Variants in ANGPTL4 observed in about 807,000 individuals in gnomAD.
ANGPTL4 encodes angiopoietin-related protein 4.
Under a neutral mutation model 39.2 loss-of-function variants are expected in ANGPTL4, and 39 were observed. The observed-to-expected ratio is 1.00, with a 90% CI of 0.77 to 1.30. The LOEUF is 1.30. Among genes scored for constraint, ANGPTL4 ranks in the 50% most tolerant of loss-of-function variants. The pLI, the probability that ANGPTL4 is intolerant of heterozygous loss-of-function variation, is 0.00. For missense variants in ANGPTL4, 545 were observed against 549.8 expected, an observed-to-expected ratio of 0.99 and a Z score of 0.09; for synonymous variants, 233 against 229.5, an observed-to-expected ratio of 1.02 and a Z score of -0.14.
intron 3 of ANGPTL4, 24 bp from the exon 4 acceptor site, chr19:8,369,195 A>G: frequency 6.3e-7 from 1 of 1,596,054 alleles, no homozygotes; most frequent in African/African-American, 1.3e-5. Context: ...TCCTGTTTCA[A>G]GTCTCCACTT....
intron 1 of ANGPTL4, among the ~76,000 whole-genome samples, chr19:8,365,135 C>T (rs998851374): frequency 1.3e-5 from 2 of 151,034 alleles, no homozygotes; most frequent in African/African-American, 4.9e-5. Context: ...CAGCACTGCA[C>T]TCCAGCCTGG....
At chr19:8,368,324 T>C (rs925676715) in intron 3 of ANGPTL4, among the ~76,000 whole-genome samples, 2 of 152,188 alleles carry the variant, frequency 1.3e-5, no homozygotes, top group Admixed American at 6.5e-5. Flanking sequence ...CAAGTCTTTA[T>C]TGAGCAGCTG....
Position 8,370,911 on chromosome 19 carries a change from C to T in ANGPTL4, c.662-145C>T, listed in dbSNP as rs563715530. 1.2e-5 allele frequency: 11 copies of T among 888,666 alleles called. No homozygotes were observed. The South Asian group carries it at 1.4e-4, about 12-fold the overall frequency. The allele number at this position is 888,666 out of a possible 1,614,324, so 55.0% of individuals were successfully genotyped here. On this transcript the variant is annotated intron_variant, in intron 4 of 6. Coordinates refer to ENST00000301455, the MANE Select transcript of ANGPTL4 (RefSeq NM_139314.3). ...AGCCCATAATATTCCTCCCTCTGAC[C>T]CACCCTCCTCGAGTCCTCCAGGGAT...
chr19:8,371,778 CG>C lies in ANGPTL4; in HGVS notation c.1039+258del. Among the ~76,000 whole-genome samples, 1 of 152,236 alleles carries C rather than the reference CG, an allele frequency of 6.6e-6. No homozygotes were observed. The highest frequency in any genetic ancestry group is 2.1e-4 in the South Asian group (1 of 4,824). On this transcript the variant is annotated intron_variant, in intron 6 of 6. Coordinates refer to ENST00000301455, the MANE Select transcript of ANGPTL4 (RefSeq NM_139314.3). The surrounding 1 kb of genome is among the most constrained non-coding windows in gnomAD (Gnocchi z 5.1). Reference sequence around the variant, plus strand: ...TTATTTATGTATTTATTTTTTGAGACGGAGTCTCACTTTGTCACCCAGGCTG... The same window carrying C: ...TTATTTATGTATTTATTTTTTGAGACGAGTCTCACTTTGTCACCCAGGCTG...
rs150000287 is a variant in ANGPTL4, at chr19:8,371,354, G to T, written c.871G>T (p.Val291Leu). 4 of 1,613,538 alleles carry T rather than the reference G, an allele frequency of 2.5e-6. No homozygotes were observed. The Admixed American group carries it at 5.0e-5, about 20-fold the overall frequency. The change falls in exon 6 of 7, where the codon GTG becomes TTG. Residue 291 changes from valine (V) to leucine (L), a missense_variant. Val to Leu is a conservative substitution (Grantham distance 32). Transcript: ENST00000301455. The surrounding 1 kb of genome is among the most constrained non-coding windows in gnomAD (Gnocchi z 5.1). ...DGNAELLQFS[V>L]HLGGEDTAYS... ...CAACGCCGAGTTGCTGCAGTTCTCC[G>T]TGCACCTGGGTGGCGAGGACACGGC...
At chr19:8,372,687 G>C (rs192797137) in intron 6 of ANGPTL4, among the ~76,000 whole-genome samples, 9 of 152,124 alleles carry the variant, frequency 5.9e-5, no homozygotes, top group Admixed American at 4.6e-4. Flanking sequence ...CCATCTACTT[G>C]GGAGGCTGAG....
intron 6 of ANGPTL4, among the ~76,000 whole-genome samples, chr19:8,373,339 A>G (rs556732933): frequency 6.6e-6 from 1 of 151,442 alleles, no homozygotes; most frequent in African/African-American, 2.4e-5. Context: ...TGGGAGGCAG[A>G]GGTGCAGTGA....
In ANGPTL4 at chr19:8,369,169, C is replaced by T. The variant is rs377342328; in HGVS notation, c.548-50C>T. On this transcript the variant is annotated intron_variant, in intron 3 of 6. Coordinates refer to ENST00000301455, the MANE Select transcript of ANGPTL4 (RefSeq NM_139314.3). ...CAGATATGCCTGGCTCCTGAGACCC[C>T]CCCCAGGGGCTGCCCTCCTGTTTCA... 8.0e-6 allele frequency: 12 copies of T among 1,507,346 alleles called. No individual in the cohort carries two copies. In the East Asian group the frequency reaches 2.5e-4, roughly 32 times the overall value. 93.4% of individuals were successfully genotyped at this position (1,507,346 alleles called of 1,614,324 possible). A position where few individuals can be genotyped will look rare whatever the true frequency, so the allele number is the denominator to read the frequency against.
At chr19:8,365,499 A>G (rs1440351881) in intron 1 of ANGPTL4, among the ~76,000 whole-genome samples, 3 of 151,506 alleles carry the variant, frequency 2.0e-5, no homozygotes, top group Non-Finnish European at 4.4e-5. Context: ...AATAATAAAT[A>G]AAATAAAATA....
intron 3 of ANGPTL4, among the ~76,000 whole-genome samples, chr19:8,367,775 C>A (rs1191086820): frequency 6.6e-6 from 1 of 152,218 alleles, no homozygotes; most frequent in Non-Finnish European, 1.5e-5. Flanking sequence ...CAGCACAGTT[C>A]TTCCCGTTCT....
chr19:8,373,251 A>G (rs1971159477), intron 6 of ANGPTL4, among the ~76,000 whole-genome samples: 1 of 152,136 alleles, frequency 6.6e-6, no homozygotes, highest in African/African-American at 2.4e-5. Context: ...CTAAAAATAC[A>G]AAAACTAGCC....
Position 8,364,205 on chromosome 19 carries a change from G to T in ANGPTL4, c.-117G>T, listed in dbSNP as rs370009734. 3.9e-5 allele frequency: 42 copies of T among 1,066,136 alleles called. 3 individuals are homozygous for T. Among genetic ancestry groups the T allele is most frequent in the African/African-American group, 7.9e-5 (5 of 63,286 alleles). The allele number at this position is 1,066,136 out of a possible 1,614,324, so 66.0% of individuals were successfully genotyped here. On this transcript the variant is annotated 5_prime_UTR_variant, in exon 1 of 7. Coordinates refer to ENST00000301455, the MANE Select transcript of ANGPTL4 (RefSeq NM_139314.3). ...CACGACTGTGATCCGATTCTTTCCAGCGGCTTCTGCAACCAAGCGGGTCTT... is the reference window on the plus strand; with the variant it reads ...CACGACTGTGATCCGATTCTTTCCATCGGCTTCTGCAACCAAGCGGGTCTT...
chr19:8,371,628 C>A lies in ANGPTL4; in HGVS notation c.1039+106C>A. On this transcript the variant is annotated intron_variant, in intron 6 of 6. Transcript: ENST00000301455. This position sits in a 1 kb window ranked among gnomAD's most constrained non-coding sequence, Gnocchi z 5.1. ...ACATTGCATCTGTTTCCTGCCCCCA[C>A]CTCTTCCTTACATGCCGTGTGTGTG... is the stretch of plus-strand genomic sequence containing the variant. The A allele has an allele frequency of 1.3e-6, 2 of 1,490,818 alleles. No homozygotes were observed. The highest frequency in any genetic ancestry group is 1.2e-5 in the South Asian group (1 of 82,942). 92.3% of individuals were successfully genotyped at this position (1,490,818 alleles called of 1,614,324 possible).
In ANGPTL4 at chr19:8,364,394, G is replaced by A. The variant is rs1429567126; in HGVS notation, c.73G>A (p.Gly25Ser). The A allele has an allele frequency of 1.3e-6, 2 of 1,546,462 alleles. No individual in the cohort carries two copies. The highest frequency in any genetic ancestry group is 1.2e-5 in the South Asian group (1 of 84,382). Reference protein sequence around the residue: ...AATAVLLSAQGGPVQSKSPRF... With the variant: ...AATAVLLSAQSGPVQSKSPRF... ...CACCGCCGTGCTACTGAGCGCTCAG[G>A]GCGGACCCGTGCAGTCCAAGTCGCC... Residue 25 changes from glycine (G) to serine (S), a missense_variant, in exon 1 of 7, where the codon GGC (glycine) becomes AGC (serine). Transcript: ENST00000301455.
chr19:8,366,160 G>A (rs894977200), intron 2 of ANGPTL4, 42 bp from the exon 3 acceptor site: 2 of 1,611,478 alleles, frequency 1.2e-6, no homozygotes, highest in South Asian at 2.2e-5. Context: ...TGGGGACGTG[G>A]GGCCAGGCAG....
chr19:8,372,988 G>A (rs1350736082), intron 6 of ANGPTL4, among the ~76,000 whole-genome samples: 1 of 151,654 alleles, frequency 6.6e-6, no homozygotes, highest in Non-Finnish European at 1.5e-5. Flanking sequence ...TAAAAATAAG[G>A]CCGGGTGTGG....
chr19:8,365,924 G>GT, intron 1 of ANGPTL4, 30 bp from the exon 2 acceptor site: 1 of 1,582,088 alleles, frequency 6.3e-7, no homozygotes. Flanking sequence ...GGCAAGCTGG[G>GT]TCCTCACCAA....
intron 1 of ANGPTL4, 138 bp downstream of exon 1, chr19:8,364,777 C>G (rs762618223): frequency 1.6e-5 from 18 of 1,136,504 alleles, no homozygotes; most frequent in African/African-American, 3.1e-5. Flanking sequence ...ATGGGCTCCC[C>G]CCTTAGGAAG....
In ANGPTL4 at chr19:8,366,008, C is replaced by T; in HGVS notation, c.373C>T (p.Gln125Ter). The change falls in exon 2 of 7, where the codon CAG becomes TAG. Residue 125 changes from glutamine (Q) to a stop codon, truncating the protein, a stop_gained. Coordinates refer to ENST00000301455, the MANE Select transcript of ANGPTL4 (RefSeq NM_139314.3). LOFTEE classifies it high-confidence loss of function. ...RIQQLFHKVA[Q>*]QQRHLEKQHL... is the part of the protein sequence containing the mutation. ...CCAGCAACTCTTCCACAAGGTGGCC[C>T]AGCAGCAGCGGCACCTGGAGAAGCA... is the stretch of plus-strand genomic sequence containing the variant. 1 of 1,614,104 alleles carries T rather than the reference C, an allele frequency of 6.2e-7. No individual in the cohort carries two copies. The highest frequency in any genetic ancestry group is 8.5e-7 in the Non-Finnish European group (1 of 1,180,024).
Sources: gnomAD v4.1 joint callset for allele counts (sites outside exome capture counted in the v4.1 genomes callset) on GRCh38, gnomAD v4.1.1 for gene constraint, Gnocchi (gnomAD v3.1) non-coding constraint, MANE v1.5 for transcripts, NCBI Gene and HGNC (gene_info 2026-07-23, HGNC 2026-07-21) for gene names.